Variants in USP34 observed in about 807,000 individuals in gnomAD.
USP34 encodes ubiquitin carboxyl-terminal hydrolase 34.
In USP34, 70 loss-of-function variants were observed where a neutral mutation model predicts 460.3. The observed-to-expected ratio is 0.15, with a 90% CI of 0.13 to 0.19. The LOEUF (loss-of-function observed/expected upper bound fraction) is 0.19. Ranked by LOEUF, USP34 falls within the 10% of genes least tolerant of loss-of-function variation. USP34 has a pLI of 1.00. For missense variants in USP34, 3,985 were observed against 4,236.2 expected, an observed-to-expected ratio of 0.94 and a Z score of 1.65; for synonymous variants, 1,647 against 1,405.3, an observed-to-expected ratio of 1.17 and a Z score of -3.85.
chr2:61,203,415 G>A, intron 74 of USP34, 152 bp from the exon 75 acceptor site: 2 of 715,354 alleles, frequency 2.8e-6, no homozygotes, highest in Admixed American at 4.2e-5. Flanking sequence ...GTAATGTTAT[G>A]ATCTTAATTG....
intron 2 of USP34, among the ~76,000 whole-genome samples, chr2:61,408,992 G>T (rs1693961612): frequency 6.6e-6 from 1 of 151,972 alleles, no homozygotes; most frequent in South Asian, 2.1e-4. Flanking sequence ...GGCCAAAGTG[G>T]GCAGATGACT....
intron 1 of USP34, among the ~76,000 whole-genome samples, chr2:61,445,222 TAAAAA>T (rs57854651): frequency 5.4e-3 from 219 of 40,630 alleles, no homozygotes; most frequent in African/African-American, 0.022. Context: ...AGAACCACAC[TAAAAA>T]AAAAAAAAAA....
chr2:61,275,770 T>C (rs1323525325), intron 41 of USP34, among the ~76,000 whole-genome samples: 1 of 152,184 alleles, frequency 6.6e-6, no homozygotes, highest in Non-Finnish European at 1.5e-5. Context: ...GAAGAGTAAG[T>C]GACTCAGTCA....
At chr2:61,265,736 T>C in intron 42 of USP34, 179 bp from the exon 43 acceptor site, 1 of 736,990 alleles carries the variant, frequency 1.4e-6, no homozygotes, top group Non-Finnish European at 1.9e-6. Flanking sequence ...CTCTAAAAAT[T>C]CAAGACTTTT....
At position 61,283,508 on chromosome 2, in the gene USP34, C is replaced by A; in HGVS notation, c.4833-59G>T. Reference sequence around the variant, plus strand: ...ATTCAGCAATGAATTAAAAATAATTCAATTTATTAACATATATCCTTTAAG... The same window carrying A: ...ATTCAGCAATGAATTAAAAATAATTAAATTTATTAACATATATCCTTTAAG... On this transcript the variant is annotated intron_variant, in intron 35 of 79. Coordinates refer to ENST00000398571, the MANE Select transcript of USP34 (RefSeq NM_014709.4). The A allele has an allele frequency of 2.6e-6, 4 of 1,545,254 alleles. No homozygotes were observed. In the South Asian group the frequency reaches 3.6e-5, roughly 14 times the overall value.
At chr2:61,287,604 C>T (rs1321369797) in intron 34 of USP34, among the ~76,000 whole-genome samples, 1 of 152,146 alleles carries the variant, frequency 6.6e-6, no homozygotes, top group Non-Finnish European at 1.5e-5. Flanking sequence ...AGGATGAAGA[C>T]CTTTATGATG....
At chr2:61,370,849 T>A (rs1360300403) in intron 8 of USP34, among the ~76,000 whole-genome samples, 1 of 152,216 alleles carries the variant, frequency 6.6e-6, no homozygotes, top group Non-Finnish European at 1.5e-5. Flanking sequence ...ACTGATTTAG[T>A]GATGTATTAT....
At chr2:61,285,024 A>C in intron 34 of USP34, 67 bp from the exon 35 acceptor site, 1 of 1,302,656 alleles carries the variant, frequency 7.7e-7, no homozygotes, top group East Asian at 2.5e-5. Context: ...AAAAGCACTC[A>C]AGATTTAGTT....
chr2:61,303,968 G>A (rs1690321261), intron 27 of USP34, among the ~76,000 whole-genome samples: 2 of 152,104 alleles, frequency 1.3e-5, no homozygotes, highest in Non-Finnish European at 2.9e-5. Flanking sequence ...CATGATCTCG[G>A]CTCACTAACA....
intron 10 of USP34, among the ~76,000 whole-genome samples, chr2:61,355,744 C>G (rs1200204611): frequency 6.6e-6 from 1 of 152,022 alleles, no homozygotes; most frequent in African/African-American, 2.4e-5. Flanking sequence ...CAAAATAACA[C>G]AAGTTTGTCC....
At chr2:61,190,042 T>G (rs1686584067) in intron 78 of USP34, 1 of 429,892 alleles carries the variant, frequency 2.3e-6, no homozygotes, top group Admixed American at 4.1e-5. Context: ...GTTCCCTTTA[T>G]TACCTTTCAG....
rs1687348373 is a variant in USP34 at position 61,214,521 on chromosome 2, A to G, written c.8221T>C (p.Tyr2741His). The G allele has an allele frequency of 2.5e-6, 4 of 1,613,544 alleles. No individual in the cohort carries two copies. Among genetic ancestry groups the G allele is most frequent in the East Asian group, 2.2e-5 (1 of 44,902 alleles). ...GTGCCATGAACAGCAGCATCAACAT[A>G]AAGTTTGGCTCTTGAGAGCAAACCA... ...LLGLLSRAKL[Y>H]VDAAVHGTTK... Residue 2741 changes from tyrosine to histidine, a missense_variant, in exon 68 of 80, where the codon TAT becomes CAT. Physicochemically the swap from Tyr to His is moderately conservative, Grantham distance 83 (BLOSUM62 2). Coordinates refer to ENST00000398571, the MANE Select transcript of USP34 (RefSeq NM_014709.4).
Position 61,395,248 on chromosome 2 carries a change from A to G in USP34, c.553-15T>C, listed in dbSNP as rs1334681682. The G allele has an allele frequency of 1.4e-6, 2 of 1,405,734 alleles. No individual in the cohort carries two copies. Among genetic ancestry groups the G allele is most frequent in the South Asian group, 1.3e-5 (1 of 79,868 alleles). The allele number at this position is 1,405,734 out of a possible 1,614,324, so 87.1% of individuals were successfully genotyped here. A position where few individuals can be genotyped will look rare whatever the true frequency, so the allele number is the denominator to read the frequency against. On this transcript the variant is annotated splice_polypyrimidine_tract_variant and intron_variant, in intron 3 of 79. Transcript: ENST00000398571. ...GTTGATATATCCTAATTAAAAAAAA[A>G]AAAGCAAGTAAAATTAGGTTACAAC...
chr2:61,205,168 G>C (rs1348510419), intron 72 of USP34, among the ~76,000 whole-genome samples: 1 of 152,108 alleles, frequency 6.6e-6, no homozygotes, highest in Admixed American at 6.5e-5. Flanking sequence ...TTTAATGTAC[G>C]TTGATTATGT....
At chr2:61,371,928 G>A (rs1191396677) in intron 8 of USP34, among the ~76,000 whole-genome samples, 1 of 152,120 alleles carries the variant, frequency 6.6e-6, no homozygotes, top group African/African-American at 2.4e-5. Flanking sequence ...ATGCTGTACA[G>A]GCTTGGAGTC....
chr2:61,256,961 C>A lies in USP34; in HGVS notation c.6049-11G>T. The stretch of plus-strand genomic sequence containing the variant: ...AACATGTTCACAATCCTAATCAATA[C>A]ACATAAAAAATTAATAAAAACTAGT... On this transcript the variant is annotated splice_polypyrimidine_tract_variant and intron_variant, in intron 46 of 79. Transcript: ENST00000398571. 1 of 1,482,154 alleles carries A rather than the reference C, an allele frequency of 6.7e-7. No homozygotes were observed. The highest frequency in any genetic ancestry group is 8.9e-7 in the Non-Finnish European group (1 of 1,118,984). 91.8% of individuals were successfully genotyped at this position (1,482,154 alleles called of 1,614,324 possible).
At chr2:61,370,444 A>T (rs368127236) in intron 9 of USP34, 31 bp from the exon 10 acceptor site, 129 of 1,612,868 alleles carry the variant, frequency 8.0e-5, no homozygotes, top group Non-Finnish European at 9.8e-5. Context: ...ATCAATTTTT[A>T]AAAATATTCT....
At chr2:61,279,195 T>C (rs1417580469) in intron 39 of USP34, among the ~76,000 whole-genome samples, 1 of 152,034 alleles carries the variant, frequency 6.6e-6, no homozygotes, top group Non-Finnish European at 1.5e-5. Flanking sequence ...TGTAATTATT[T>C]CTCAAATGAA....
At chr2:61,290,390 G>A (rs1689814455) in intron 33 of USP34, among the ~76,000 whole-genome samples, 2 of 152,224 alleles carry the variant, frequency 1.3e-5, no homozygotes, top group South Asian at 2.1e-4. Context: ...GTATGTGAAT[G>A]TTTACAGAAA....
Sources: allele counts gnomAD v4.1 joint callset (sites outside exome capture counted in the v4.1 genomes callset), GRCh38; gene constraint gnomAD v4.1.1; transcripts MANE v1.5; gene names NCBI Gene and HGNC (gene_info 2026-07-23, HGNC 2026-07-21).